MAGI3: variants seen among roughly 807,000 people sequenced by gnomAD.
MAGI3 encodes the protein membrane-associated guanylate kinase, WW and PDZ domain-containing protein 3.
Under a neutral mutation model 121.8 loss-of-function variants are expected in MAGI3, and 43 were observed. That is an observed-to-expected ratio of 0.35 (90% CI 0.28 to 0.46). The LOEUF is 0.46. Among genes scored for constraint, MAGI3 ranks in the 20% least tolerant of loss-of-function variants. The probability of loss-of-function intolerance (pLI) is 1.00; values close to 1 mark genes in which losing one functional copy is unlikely to be tolerated. For missense variants in MAGI3, 1,547 were observed against 1,797.3 expected (o/e 0.86, Z 2.52); for synonymous variants, 553 against 639.3 (o/e 0.86, Z 2.04).
chr1:113,547,613 A>G (rs1659597200), intron 1 of MAGI3, among the ~76,000 whole-genome samples: 5 of 152,228 alleles, frequency 3.3e-5, no homozygotes, highest in Admixed American at 2.6e-4. Context: ...CCTGATTTTA[A>G]AAATACTTAA....
chr1:113,434,506 A>G (rs1320367249), intron 1 of MAGI3, among the ~76,000 whole-genome samples: 1 of 152,190 alleles, frequency 6.6e-6, no homozygotes, highest in Non-Finnish European at 1.5e-5. Context: ...TCCCTAAATA[A>G]TTTGTGAATA....
intron 1 of MAGI3, among the ~76,000 whole-genome samples, chr1:113,519,908 C>T (rs1418391193): frequency 6.6e-6 from 1 of 152,196 alleles, no homozygotes; most frequent in East Asian, 1.9e-4. Context: ...AATCCAGAAT[C>T]CCAGGGGCTA....
chr1:113,587,359 A>G (rs1191848841), intron 4 of MAGI3, among the ~76,000 whole-genome samples: 1 of 151,940 alleles, frequency 6.6e-6, no homozygotes. Flanking sequence ...CCCTGCCCAG[A>G]TAATTTTTGT....
At chr1:113,534,567 A>T (rs1320025298) in intron 1 of MAGI3, among the ~76,000 whole-genome samples, 1 of 152,118 alleles carries the variant, frequency 6.6e-6, no homozygotes, top group Non-Finnish European at 1.5e-5. Flanking sequence ...TCTTGGGTAC[A>T]TACTCCTATG....
chr1:113,663,326 C>T (rs1238533742), intron 16 of MAGI3, among the ~76,000 whole-genome samples: 5 of 150,442 alleles, frequency 3.3e-5, no homozygotes, highest in Non-Finnish European at 7.4e-5. Flanking sequence ...CATTTTATTG[C>T]TCCAAAAAGA....
chr1:113,665,981 T>C (rs1654024222), intron 16 of MAGI3, among the ~76,000 whole-genome samples: 1 of 152,252 alleles, frequency 6.6e-6, no homozygotes, highest in African/African-American at 2.4e-5. Flanking sequence ...ATATTTACAC[T>C]ATACTGTAGT....
chr1:113,474,492 T>G (rs1162725865), intron 1 of MAGI3, among the ~76,000 whole-genome samples: 2 of 152,196 alleles, frequency 1.3e-5, no homozygotes, highest in Non-Finnish European at 2.9e-5. Flanking sequence ...GGCTAGCCAG[T>G]TTTCCCAGCA....
At chr1:113,434,370 G>C (rs1456823140) in intron 1 of MAGI3, among the ~76,000 whole-genome samples, 1 of 152,050 alleles carries the variant, frequency 6.6e-6, no homozygotes, top group East Asian at 1.9e-4. Context: ...AGGAGTTTCA[G>C]ATCAGCCTGG....
chr1:113,516,022 A>T (rs1657881804), intron 1 of MAGI3, among the ~76,000 whole-genome samples: 1 of 152,066 alleles, frequency 6.6e-6, no homozygotes, highest in South Asian at 2.1e-4. Flanking sequence ...CTAGATGCGT[A>T]TACCACTCCC....
intron 1 of MAGI3, among the ~76,000 whole-genome samples, chr1:113,534,754 C>T (rs954165893): frequency 2.0e-5 from 3 of 151,980 alleles, no homozygotes; most frequent in African/African-American, 7.3e-5. Flanking sequence ...CTGTCCTCTT[C>T]GTTTTATTTA....
intron 3 of MAGI3, among the ~76,000 whole-genome samples, chr1:113,583,488 A>G (rs1361016949): frequency 6.6e-6 from 1 of 152,164 alleles, no homozygotes; most frequent in Admixed American, 6.6e-5. Flanking sequence ...CGAGTTAGAT[A>G]ATAATTACCA....
At chr1:113,613,471 G>T (rs1418026923) in intron 6 of MAGI3, among the ~76,000 whole-genome samples, 1 of 152,114 alleles carries the variant, frequency 6.6e-6, no homozygotes, top group South Asian at 2.1e-4. Context: ...GAGTAAAACA[G>T]TATAGCTTGT....
chr1:113,468,792 C>T (rs1012947636), intron 1 of MAGI3, among the ~76,000 whole-genome samples: 2 of 151,724 alleles, frequency 1.3e-5, no homozygotes, highest in African/African-American at 2.4e-5. Context: ...ATTTATGTAA[C>T]CACTAGAAAA....
intron 1 of MAGI3, among the ~76,000 whole-genome samples, chr1:113,490,214 A>G (rs865931623): frequency 1.3e-5 from 2 of 152,242 alleles, no homozygotes; most frequent in Non-Finnish European, 2.9e-5. Flanking sequence ...TATAAGCCAG[A>G]AGAGATTGGA....
In MAGI3 at chr1:113,681,222, A is replaced by G; in HGVS notation, c.3214A>G (p.Asn1072Asp). The G allele has an allele frequency of 6.2e-7, 1 of 1,613,852 alleles. No individual in the cohort carries two copies. Among genetic ancestry groups the G allele is most frequent in the Non-Finnish European group, 8.5e-7 (1 of 1,179,932 alleles). Residue 1072 changes from asparagine (N) to aspartate (D), a missense_variant, in exon 20 of 21, where the codon AAT (asparagine) becomes GAT (aspartate). Transcript: ENST00000307546. ...IHVGDQIVEI[N>D]GEPTQGITHT... ...GGTTGGTGACCAGATTGTTGAAATC[A>G]ATGGGGAACCTACACAAGGAATCAC...
At chr1:113,626,017 G>A (rs1651215298) in intron 9 of MAGI3, among the ~76,000 whole-genome samples, 1 of 152,020 alleles carries the variant, frequency 6.6e-6, no homozygotes, top group Admixed American at 6.6e-5. Flanking sequence ...CCAGGCTGGA[G>A]GGCAGTGGCA....
intron 9 of MAGI3, among the ~76,000 whole-genome samples, chr1:113,641,093 A>ATATATGATATAT (rs1652491051): frequency 1.6e-5 from 1 of 61,746 alleles, no homozygotes; most frequent in African/African-American, 9.1e-5. Context: ...GATATATATT[A>ATATATGATATAT]TATATATGAT....
intron 1 of MAGI3, among the ~76,000 whole-genome samples, chr1:113,546,400 G>A (rs781539611): frequency 2.0e-5 from 3 of 152,114 alleles, no homozygotes; most frequent in East Asian, 1.9e-4. Context: ...GCAGCCGCAC[G>A]ATCTTGTCTC....
At position 113,642,342 on chromosome 1, in the gene MAGI3, G is replaced by A; in HGVS notation, c.1792G>A (p.Gly598Arg). Residue 598 changes from glycine to arginine, a missense_variant, in exon 10 of 21, where the codon GGA (glycine) becomes AGA (arginine). Coordinates refer to ENST00000307546, the MANE Select transcript of MAGI3 (RefSeq NM_001142782.2). ...GTTTGCAATTGCTGACAGCCCTACT[G>A]GACAGAAGGTGAAAATGATACTGGA... ...FGFAIADSPT[G>R]QKVKMILDSQ... 1 of 1,614,062 alleles carries A rather than the reference G, an allele frequency of 6.2e-7. No individual in the cohort carries two copies. Among genetic ancestry groups the A allele is most frequent in the Non-Finnish European group, 8.5e-7 (1 of 1,179,992 alleles).
Sources: gnomAD v4.1 joint callset for allele counts (sites outside exome capture counted in the v4.1 genomes callset) on GRCh38, gnomAD v4.1.1 for gene constraint, MANE v1.5 for transcripts, NCBI Gene and HGNC (gene_info 2026-07-23, HGNC 2026-07-21) for gene names.